The following COL25A1 variants were observed in gnomAD, a reference collection of about 807,000 sequenced individuals.
COL25A1 encodes the protein collagen type XXV alpha 1 chain.
Under a neutral mutation model 128.4 loss-of-function variants are expected in COL25A1, and 103 were observed. The observed-to-expected ratio is 0.80, with a 90% CI of 0.68 to 0.94. The LOEUF (loss-of-function observed/expected upper bound fraction) is 0.94. Ranked by LOEUF, COL25A1 falls within the 40% of genes least tolerant of loss-of-function variation. COL25A1 has a pLI of 0.00. For synonymous variants in COL25A1, 279 were observed against 277.2 expected (o/e 1.01, Z -0.06); for missense variants, 745 against 840.0 (o/e 0.89, Z 1.40).
At chr4:109,045,547 T>A (rs1043071696) in intron 5 of COL25A1, among the ~76,000 whole-genome samples, 2 of 152,172 alleles carry the variant, frequency 1.3e-5, no homozygotes, top group African/African-American at 4.8e-5. Context: ...CAAAATTTGA[T>A]GGAAGGCAGA....
Position 109,000,973 on chromosome 4 carries a change from G to A in COL25A1, c.438+9385C>T, listed in dbSNP as rs143227892. Among the ~76,000 whole-genome samples, 52 of 152,132 alleles carry A rather than the reference G, an allele frequency of 3.4e-4. No homozygotes were observed. The East Asian group carries it at 9.9e-3, about 29-fold the overall frequency. On this transcript the variant is annotated intron_variant, in intron 6 of 37. Transcript: ENST00000399132. ...AAAGGCAAAAAGAAAAAGAAGATTTGAAGAGAAAAGAAGTAAATGGTTTGA... is the reference window on the plus strand; with the variant it reads ...AAAGGCAAAAAGAAAAAGAAGATTTAAAGAGAAAAGAAGTAAATGGTTTGA...
chr4:109,023,886 G>T (rs750790176), intron 5 of COL25A1, among the ~76,000 whole-genome samples: 6 of 152,192 alleles, frequency 3.9e-5, no homozygotes, highest in Non-Finnish European at 8.8e-5. Context: ...CTATTCTCAA[G>T]CCTCTCAGAA....
chr4:109,116,719 T>A (rs1351385424), intron 3 of COL25A1, among the ~76,000 whole-genome samples: 1 of 152,068 alleles, frequency 6.6e-6, no homozygotes. Context: ...CAGGATTTTT[T>A]AAACTGTAAT....
intron 3 of COL25A1, among the ~76,000 whole-genome samples, chr4:109,249,190 C>T (rs1348259447): frequency 5.3e-5 from 8 of 152,152 alleles, no homozygotes; most frequent in Non-Finnish European, 8.8e-5. Flanking sequence ...TGACTCTTCT[C>T]TAAATTCTTA....
intron 3 of COL25A1, among the ~76,000 whole-genome samples, chr4:109,062,654 G>A (rs2125967628): frequency 6.6e-6 from 1 of 152,240 alleles, no homozygotes; most frequent in Admixed American, 6.5e-5. Context: ...GAACAAAAAT[G>A]AGGAAATTAG....
chr4:109,168,948 C>T (rs1163405960), intron 3 of COL25A1, among the ~76,000 whole-genome samples: 1 of 152,150 alleles, frequency 6.6e-6, no homozygotes, highest in Non-Finnish European at 1.5e-5. Flanking sequence ...ACCCGCACTA[C>T]TGCATGTACC....
chr4:109,186,674 T>C (rs1176125292), intron 3 of COL25A1, among the ~76,000 whole-genome samples: 1 of 152,192 alleles, frequency 6.6e-6, no homozygotes, highest in Non-Finnish European at 1.5e-5. Flanking sequence ...ACAGGATCAC[T>C]ACAAAAAGAG....
At chr4:108,864,677 G>C (rs1719639614) in intron 20 of COL25A1, among the ~76,000 whole-genome samples, 1 of 152,192 alleles carries the variant, frequency 6.6e-6, no homozygotes, top group Non-Finnish European at 1.5e-5. Flanking sequence ...ATCTATTATT[G>C]TGGATTGGAT....
chr4:109,274,269 C>T (rs192190460), intron 3 of COL25A1, among the ~76,000 whole-genome samples: 100 of 152,172 alleles, frequency 6.6e-4, no homozygotes, highest in African/African-American at 2.3e-3. Flanking sequence ...TAAACATACC[C>T]TAATTTTCTG....
Position 108,889,204 on chromosome 4 carries a change from A to G in COL25A1, c.975+17T>C, listed in dbSNP as rs750580400. 1 of 1,608,670 alleles carries G rather than the reference A, an allele frequency of 6.2e-7. No individual in the cohort carries two copies. Among genetic ancestry groups the G allele is most frequent in the Non-Finnish European group, 8.5e-7 (1 of 1,175,190 alleles). On this transcript the variant is annotated intron_variant, in intron 18 of 37. Coordinates refer to ENST00000399132, the MANE Select transcript of COL25A1 (RefSeq NM_198721.4). ...GAATATGAGACAGTAGGAACACACTAGAGATAGAGATATTACCTTTTGCCC... is the reference window on the plus strand; with the variant it reads ...GAATATGAGACAGTAGGAACACACTGGAGATAGAGATATTACCTTTTGCCC...
intron 5 of COL25A1, among the ~76,000 whole-genome samples, chr4:109,034,513 G>A (rs1201825494): frequency 6.6e-6 from 1 of 152,126 alleles, no homozygotes; most frequent in African/African-American, 2.4e-5. Flanking sequence ...CTGTCCATGT[G>A]ACAAGGTCCC....
At chr4:109,069,023 C>T (rs1043660291) in intron 3 of COL25A1, among the ~76,000 whole-genome samples, 7 of 152,006 alleles carry the variant, frequency 4.6e-5, no homozygotes, top group African/African-American at 7.2e-5. Context: ...GGCTATGACA[C>T]ATATTAAGCC....
chr4:109,207,670 T>C (rs1316711560), intron 3 of COL25A1, among the ~76,000 whole-genome samples: 2 of 152,174 alleles, frequency 1.3e-5, no homozygotes, highest in Admixed American at 1.3e-4. Flanking sequence ...GCACTACACA[T>C]TGCCCCATAA....
At chr4:109,253,241 G>T (rs1780783783) in intron 3 of COL25A1, among the ~76,000 whole-genome samples, 1 of 152,172 alleles carries the variant, frequency 6.6e-6, no homozygotes, top group African/African-American at 2.4e-5. Flanking sequence ...TAAGGAATTT[G>T]TGCACATGAT....
intron 8 of COL25A1, among the ~76,000 whole-genome samples, chr4:108,947,874 T>C (rs908427285): frequency 2.0e-5 from 3 of 152,168 alleles, no homozygotes; most frequent in African/African-American, 7.2e-5. Flanking sequence ...ATTTTAATTA[T>C]GAAGAGTCAA....
At position 108,819,158 on chromosome 4, in the gene COL25A1, C is replaced by T. The variant is rs145888155; in HGVS notation, c.1923+94G>A. 7.8e-4 allele frequency: 708 copies of T among 903,474 alleles called. 1 individual carries two copies. The highest frequency in any genetic ancestry group is 2.4e-3 in the Admixed American group (89 of 36,808). 56.0% of individuals were successfully genotyped at this position (903,474 alleles called of 1,614,324 possible). ...CATGTAGTGTGTTTATCATGTAAAG[C>T]TTGCCCAGAAAGCACCACTTTACAC... On this transcript the variant is annotated intron_variant, in intron 36 of 37. Transcript: ENST00000399132.
chr4:108,833,889 A>G (rs1332362444), intron 31 of COL25A1, among the ~76,000 whole-genome samples: 1 of 152,232 alleles, frequency 6.6e-6, no homozygotes, highest in African/African-American at 2.4e-5. Flanking sequence ...ATTTCTATGA[A>G]CAGAAATTGA....
At chr4:108,839,052 A>G (rs1560726387) in intron 31 of COL25A1, among the ~76,000 whole-genome samples, 1 of 148,392 alleles carries the variant, frequency 6.7e-6, no homozygotes, top group African/African-American at 2.4e-5. Flanking sequence ...CAAATACCCT[A>G]TAGAGTCTTG....
chr4:109,156,689 A>G lies in COL25A1; in HGVS notation c.368-106510T>C, dbSNP rs1772068672. On this transcript the variant is annotated intron_variant, in intron 3 of 37. Coordinates refer to ENST00000399132, the MANE Select transcript of COL25A1 (RefSeq NM_198721.4). ...GGAAAAAGGATAATTTAGGATTTCA[A>G]CTATAAATCACAAAGATACAAGAAA... Among the ~76,000 whole-genome samples the G allele has an allele frequency of 2.6e-5, 4 of 152,220 alleles. No homozygotes were observed. In the South Asian group the frequency reaches 8.3e-4, roughly 31 times the overall value.
Sources: allele counts gnomAD v4.1 joint callset (sites outside exome capture counted in the v4.1 genomes callset), GRCh38; gene constraint gnomAD v4.1.1; transcripts MANE v1.5; gene names NCBI Gene and HGNC (gene_info 2026-07-23, HGNC 2026-07-21).